Variants in ELMO1 observed in about 807,000 individuals in gnomAD.
The protein encoded by ELMO1 is engulfment and cell motility protein 1.
A neutral mutation model predicts 98.9 loss-of-function variants in ELMO1; 26 were observed. The observed-to-expected ratio is 0.26, with a 90% confidence interval of 0.19 to 0.36. The LOEUF is 0.36. Ranked by LOEUF, ELMO1 falls within the 10% of genes least tolerant of loss-of-function variation. ELMO1 has a pLI of 1.00. For missense variants in ELMO1, 627 were observed against 935.2 expected (o/e 0.67, Z 4.30); for synonymous variants, 346 against 346.0 (o/e 1.00, Z 0.00).
rs1802021056 is a variant in ELMO1, at chr7:36,853,981, C to T, written c.*1570G>A. The stretch of plus-strand genomic sequence containing the variant: ...ATTCTTTTCATTGCTAAATGTGCTC[C>T]CTCAAAGTTGTGATGTCTTTAATTA... On this transcript the variant is annotated 3_prime_UTR_variant, in exon 22 of 22. Transcript: ENST00000310758. Among the ~76,000 whole-genome samples, 1 of 152,106 alleles carries T rather than the reference C, an allele frequency of 6.6e-6. No individual in the cohort carries two copies. Among genetic ancestry groups the T allele is most frequent in the South Asian group, 2.1e-4 (1 of 4,826 alleles).
intron 4 of ELMO1, among the ~76,000 whole-genome samples, chr7:37,292,517 G>A (rs1337364622): frequency 5.2e-5 from 4 of 76,572 alleles, no homozygotes; most frequent in African/African-American, 1.5e-4. Context: ...GCCTCTTCCC[G>A]GCCGCCATCA....
chr7:37,266,111 T>A (rs1584893193), intron 5 of ELMO1, among the ~76,000 whole-genome samples: 1 of 152,168 alleles, frequency 6.6e-6, no homozygotes. Flanking sequence ...GGATCCTGTG[T>A]CGCCTCTGCC....
At chr7:37,439,082 C>A (rs1467096333) in intron 1 of ELMO1, among the ~76,000 whole-genome samples, 3 of 152,208 alleles carry the variant, frequency 2.0e-5, no homozygotes, top group Non-Finnish European at 4.4e-5. Context: ...TTTATTTATT[C>A]ATCTGACCAA....
intron 4 of ELMO1, among the ~76,000 whole-genome samples, chr7:37,303,504 A>C (rs1326067578): frequency 1.3e-5 from 2 of 152,226 alleles, no homozygotes; most frequent in African/African-American, 2.4e-5. Flanking sequence ...TATGCTTAGA[A>C]GATCTGCAAT....
Position 36,953,002 on chromosome 7 carries a change from C to G in ELMO1, c.1438-57985G>C, listed in dbSNP as rs147814338. Among the ~76,000 whole-genome samples, 125 of 129,704 alleles carry G rather than the reference C, an allele frequency of 9.6e-4. No individual in the cohort carries two copies. In the Middle Eastern group the frequency reaches 0.035, roughly 36 times the overall value. The allele number at this position is 129,704 out of a possible 152,430, so 85.1% of individuals were successfully genotyped here. On this transcript the variant is annotated intron_variant, in intron 16 of 21. Transcript: ENST00000310758. ...TTTTTTTTTTTTTGAGATGGAGTCTCGCTCTGTCGCCCCAGCTAAAGTACA... is the reference window on the plus strand; with the variant it reads ...TTTTTTTTTTTTTGAGATGGAGTCTGGCTCTGTCGCCCCAGCTAAAGTACA...
chr7:36,857,179 C>T (rs1222976212), intron 21 of ELMO1, among the ~76,000 whole-genome samples: 2 of 152,146 alleles, frequency 1.3e-5, no homozygotes, highest in Non-Finnish European at 1.5e-5. Context: ...GTGATCTCAG[C>T]CAAAGCATTT....
chr7:37,248,732 T>C (rs555170499), intron 6 of ELMO1, among the ~76,000 whole-genome samples: 44 of 152,376 alleles, frequency 2.9e-4, no homozygotes, highest in African/African-American at 9.6e-4. Context: ...AAAACGTGCA[T>C]GGTGTCAGCT....
At chr7:36,996,503 CAG>C (rs762026840) in intron 16 of ELMO1, among the ~76,000 whole-genome samples, 2 of 152,064 alleles carry the variant, frequency 1.3e-5, no homozygotes, top group Non-Finnish European at 2.9e-5. Flanking sequence ...AGTCAAGAAA[CAG>C]AGAGAGTAGA....
intron 16 of ELMO1, among the ~76,000 whole-genome samples, chr7:36,927,443 A>G (rs1386957713): frequency 1.3e-5 from 2 of 152,252 alleles, no homozygotes; most frequent in South Asian, 2.1e-4. Context: ...CACTTATTCC[A>G]TGGAATATAA....
intron 5 of ELMO1, 152 bp downstream of exon 5, chr7:37,271,680 T>C (rs774664973): frequency 3.7e-5 from 28 of 748,760 alleles, no homozygotes; most frequent in Non-Finnish European, 6.1e-5. Flanking sequence ...CGGAGGGGCA[T>C]TCCTGCTAAT....
intron 14 of ELMO1, among the ~76,000 whole-genome samples, chr7:37,119,527 A>G (rs1032340449): frequency 2.6e-5 from 4 of 152,194 alleles, no homozygotes; most frequent in African/African-American, 4.8e-5. Context: ...TGTAATATGC[A>G]TTGCATCATG....
At chr7:37,337,485 C>T (rs1394707744) in intron 2 of ELMO1, among the ~76,000 whole-genome samples, 1 of 150,518 alleles carries the variant, frequency 6.6e-6, no homozygotes, top group Non-Finnish European at 1.5e-5. Context: ...ATGTAACTAA[C>T]CCGCACGTTG....
intron 10 of ELMO1, among the ~76,000 whole-genome samples, chr7:37,221,716 G>C (rs1793608621): frequency 9.9e-6 from 1 of 101,280 alleles, no homozygotes; most frequent in African/African-American, 4.7e-5. Flanking sequence ...TTTTTTTTAA[G>C]ATAGTCTTGC....
At chr7:36,966,445 G>A (rs1332508514) in intron 16 of ELMO1, among the ~76,000 whole-genome samples, 4 of 152,154 alleles carry the variant, frequency 2.6e-5, no homozygotes, top group Non-Finnish European at 5.9e-5. Context: ...AAATAATGCT[G>A]TTTCACGTGA....
intron 1 of ELMO1, among the ~76,000 whole-genome samples, chr7:37,422,720 T>C (rs1804527194): frequency 6.6e-6 from 1 of 152,254 alleles, no homozygotes; most frequent in African/African-American, 2.4e-5. Context: ...AAATGTTTTC[T>C]AGTCATGATG....
At chr7:37,320,147 C>T (rs1799405894) in intron 2 of ELMO1, among the ~76,000 whole-genome samples, 1 of 152,048 alleles carries the variant, frequency 6.6e-6, no homozygotes, top group African/African-American at 2.4e-5. Context: ...CGTGGTGGCC[C>T]ATGCCTGTAG....
At chr7:36,903,793 T>C (rs1440145180) in intron 16 of ELMO1, among the ~76,000 whole-genome samples, 1 of 152,264 alleles carries the variant, frequency 6.6e-6, no homozygotes, top group Admixed American at 6.5e-5. Context: ...GACTTACAGA[T>C]GCCAACCAAA....
At chr7:37,264,354 C>T (rs1175121853) in intron 5 of ELMO1, among the ~76,000 whole-genome samples, 1 of 152,122 alleles carries the variant, frequency 6.6e-6, no homozygotes, top group Non-Finnish European at 1.5e-5. Flanking sequence ...TGTATGCACA[C>T]ATATGTATTC....
rs79591457 is a variant in ELMO1, at chr7:36,916,539, G to T, written c.1438-21522C>A. Among the ~76,000 whole-genome samples the T allele has an allele frequency of 3.4e-3, 522 of 152,346 alleles. 3 individuals are homozygous for T. The highest frequency in any genetic ancestry group is 6.1e-3 in the Non-Finnish European group (414 of 68,024). On this transcript the variant is annotated intron_variant, in intron 16 of 21. Coordinates refer to ENST00000310758, the MANE Select transcript of ELMO1 (RefSeq NM_014800.11). ...AAAATAAATCAGTTTATATTAAGTAGTCTAGTTTTTTAAGACAGTGCTTCC... is the reference window on the plus strand; with the variant it reads ...AAAATAAATCAGTTTATATTAAGTATTCTAGTTTTTTAAGACAGTGCTTCC...
Sources: gnomAD v4.1 joint callset for allele counts (sites outside exome capture counted in the v4.1 genomes callset) on GRCh38, gnomAD v4.1.1 for gene constraint, MANE v1.5 for transcripts, NCBI Gene and HGNC (gene_info 2026-07-23, HGNC 2026-07-21) for gene names.